Variants in CNTLN observed in about 807,000 individuals in gnomAD.
The protein encoded by CNTLN is centlein, centrosomal protein.
In CNTLN, 212 loss-of-function variants were observed where a neutral mutation model predicts 180.0. The ratio of observed to expected loss-of-function variants is 1.18; its 90% CI spans 1.05 to 1.32. The LOEUF (loss-of-function observed/expected upper bound fraction) is 1.32. CNTLN is among the 40% of genes most tolerant of loss of function. The probability of loss-of-function intolerance (pLI) is 0.00; values close to 1 mark genes in which losing one functional copy is unlikely to be tolerated. For missense variants in CNTLN, 2,095 were observed against 1,610.9 expected (o/e 1.30, Z -5.14); for synonymous variants, 722 against 563.1 (o/e 1.28, Z -3.99).
In CNTLN at chr9:17,330,761, G is replaced by GCT; in HGVS notation, c.1471_1472insCT (p.Gly491AlafsTer9). The GCT allele has an allele frequency of 1.9e-6, 3 of 1,610,516 alleles. No individual in the cohort carries two copies. Among genetic ancestry groups the GCT allele is most frequent in the Non-Finnish European group, 2.5e-6 (3 of 1,178,152 alleles). The stretch of plus-strand genomic sequence containing the variant: ...GTCAGAAAACATATCTGCCAACAAG[G>GCT]GTTTCTCCCGAAAGAGCATCATGAC... On this transcript the variant is annotated frameshift_variant, in exon 9 of 26. Transcript: ENST00000380647. LOFTEE classifies it high-confidence loss of function.
chr9:17,367,864 G>C (rs1008463782), intron 13 of CNTLN, among the ~76,000 whole-genome samples: 2 of 150,330 alleles, frequency 1.3e-5, no homozygotes, highest in African/African-American at 4.9e-5. Context: ...GGTACACTGT[G>C]GGTCTTGGCT....
chr9:17,501,436 C>T (rs1833749907), intron 25 of CNTLN, among the ~76,000 whole-genome samples: 1 of 152,202 alleles, frequency 6.6e-6, no homozygotes, highest in Non-Finnish European at 1.5e-5. Flanking sequence ...AGTTCTACTA[C>T]CACAGCTAGT....
chr9:17,496,993 G>A (rs1298810210), intron 25 of CNTLN, among the ~76,000 whole-genome samples: 1 of 152,132 alleles, frequency 6.6e-6, no homozygotes. Context: ...GCAGGGGGTT[G>A]GAGAAGGTGG....
chr9:17,139,879 A>G (rs1187243274), intron 1 of CNTLN, among the ~76,000 whole-genome samples: 4 of 151,900 alleles, frequency 2.6e-5, no homozygotes, highest in Non-Finnish European at 4.4e-5. Flanking sequence ...TAAGTTTTGC[A>G]TTTTTTGTAG....
chr9:17,135,341 C>T lies in CNTLN; in HGVS notation c.276C>T (p.Ile92=), dbSNP rs776867962. 1 of 1,602,062 alleles carries T rather than the reference C, an allele frequency of 6.2e-7. No homozygotes were observed. The highest frequency in any genetic ancestry group is 1.1e-5 in the South Asian group (1 of 88,460). Residue 92 remains isoleucine, a synonymous_variant, in exon 1 of 26, where the codon ATC becomes ATT. Transcript: ENST00000380647. ...TGGGGTCCAGACGGCTAGAGGGCAT[C>T]TCGGTAGAGGAGGCGATGGTGACCC... ...APMGSRRLEG[I]SVEEAMVTRT...
At chr9:17,379,256 G>C (rs951282055) in intron 13 of CNTLN, among the ~76,000 whole-genome samples, 18 of 151,912 alleles carry the variant, frequency 1.2e-4, no homozygotes, top group Non-Finnish European at 2.4e-4. Flanking sequence ...AATCCTTTTG[G>C]ATGTTTTTTT....
intron 25 of CNTLN, among the ~76,000 whole-genome samples, chr9:17,488,884 C>T (rs1404468112): frequency 2.0e-5 from 3 of 152,074 alleles, no homozygotes; most frequent in Non-Finnish European, 1.5e-5. Context: ...CACTGGGAAA[C>T]CGCTGCTGTT....
intron 6 of CNTLN, 129 bp from the exon 7 acceptor site, chr9:17,298,061 T>A: frequency 1.7e-6 from 1 of 579,648 alleles, no homozygotes; most frequent in Non-Finnish European, 2.8e-6. Flanking sequence ...CTTTTATTAA[T>A]AAGTTTGCCT....
intron 5 of CNTLN, among the ~76,000 whole-genome samples, chr9:17,272,944 C>G (rs1418950809): frequency 2.0e-5 from 3 of 152,026 alleles, no homozygotes; most frequent in Non-Finnish European, 2.9e-5. Context: ...CTTCCTCCAT[C>G]TAGTTGTTTA....
intron 2 of CNTLN, among the ~76,000 whole-genome samples, chr9:17,176,257 G>T (rs1820711225): frequency 6.6e-6 from 1 of 151,780 alleles, no homozygotes; most frequent in Non-Finnish European, 1.5e-5. Context: ...TCAAGTTGAG[G>T]AAATTTTCTG....
intron 2 of CNTLN, among the ~76,000 whole-genome samples, chr9:17,219,255 A>C (rs1366815983): frequency 6.7e-6 from 1 of 148,822 alleles, no homozygotes; most frequent in Non-Finnish European, 1.5e-5. Context: ...TTTTTAAGGA[A>C]CCTTTTTTTT....
At chr9:17,441,330 T>C (rs1588001060) in intron 18 of CNTLN, among the ~76,000 whole-genome samples, 2 of 152,192 alleles carry the variant, frequency 1.3e-5, no homozygotes, top group East Asian at 3.9e-4. Flanking sequence ...TATTCTGGCA[T>C]AGAAATTACA....
chr9:17,340,271 C>T, intron 10 of CNTLN, among the ~76,000 whole-genome samples: 1 of 152,154 alleles, frequency 6.6e-6, no homozygotes, highest in East Asian at 1.9e-4. Context: ...GCCTAGCTTT[C>T]CCATTCCAGT....
At chr9:17,216,272 C>G (rs1338658890) in intron 2 of CNTLN, among the ~76,000 whole-genome samples, 1 of 152,290 alleles carries the variant, frequency 6.6e-6, no homozygotes, top group East Asian at 1.9e-4. Flanking sequence ...GTAATCCTGG[C>G]TTGCTAGTTG....
In CNTLN at chr9:17,297,015, A is replaced by G. The variant is rs544380084; in HGVS notation, c.984-1175A>G. Among the ~76,000 whole-genome samples the G allele has an allele frequency of 6.6e-5, 10 of 152,344 alleles. 1 individual carries two copies. Among genetic ancestry groups the G allele is most frequent in the South Asian group, 4.1e-4 (2 of 4,826 alleles). ...AAAATAAGTTCCATTAAGAAATACA[A>G]TCTTCAAAATATTATGTAAGTACAA... On this transcript the variant is annotated intron_variant, in intron 6 of 25. Transcript: ENST00000380647.
intron 15 of CNTLN, among the ~76,000 whole-genome samples, chr9:17,407,137 C>T (rs1007996105): frequency 2.8e-4 from 42 of 152,060 alleles, no homozygotes; most frequent in African/African-American, 1.0e-3. Flanking sequence ...TGATCAATTG[C>T]TGTTGGTATT....
chr9:17,306,417 G>A (rs1157111234), intron 7 of CNTLN, among the ~76,000 whole-genome samples: 1 of 152,186 alleles, frequency 6.6e-6, no homozygotes, highest in Non-Finnish European at 1.5e-5. Flanking sequence ...CCAAAGTGCT[G>A]GGATTACGGA....
At chr9:17,433,427 G>C (rs1216515568) in intron 18 of CNTLN, among the ~76,000 whole-genome samples, 1 of 151,940 alleles carries the variant, frequency 6.6e-6, no homozygotes, top group East Asian at 1.9e-4. Flanking sequence ...TGGGATTACA[G>C]GCGCCTGCCA....
At chr9:17,243,329 C>G (rs1024382994) in intron 5 of CNTLN, among the ~76,000 whole-genome samples, 1 of 152,006 alleles carries the variant, frequency 6.6e-6, no homozygotes, top group African/African-American at 2.4e-5. Context: ...GATTTCTGCT[C>G]TGATCTTTAT....
Sources: allele counts gnomAD v4.1 joint callset (sites outside exome capture counted in the v4.1 genomes callset), GRCh38; gene constraint gnomAD v4.1.1; transcripts MANE v1.5; gene names NCBI Gene and HGNC (gene_info 2026-07-23, HGNC 2026-07-21).